Variants in MPDZ observed in about 807,000 individuals in gnomAD.
The protein encoded by MPDZ is multiple PDZ domain protein.
In MPDZ, 234 loss-of-function variants were observed where a neutral mutation model predicts 239.1. The observed-to-expected ratio is 0.98, with a 90% CI of 0.88 to 1.09. The LOEUF (loss-of-function observed/expected upper bound fraction) is 1.09. Among genes scored for constraint, MPDZ ranks in the 50% least tolerant of loss-of-function variants. MPDZ has a pLI of 0.00. For synonymous variants in MPDZ, 1,048 were observed against 881.3 expected (o/e 1.19, Z -3.35); for missense variants, 3,175 against 2,510.0 (o/e 1.26, Z -5.66).
rs1402399099 is a variant in MPDZ, at chr9:13,198,731, C to CTGTGTGTG, written c.1547-2502_1547-2501insCACACACA. The stretch of plus-strand genomic sequence containing the variant: ...GTTCTTATATTTAGGTCTTTAATCT[C>CTGTGTGTG]TCTCTCTGTGTGTGTGTGTGTGTGT... On this transcript the variant is annotated intron_variant, in intron 12 of 46. Transcript: ENST00000319217. Among the ~76,000 whole-genome samples, 6 of 4,438 alleles carry CTGTGTGTG rather than the reference C, an allele frequency of 1.4e-3. No individual in the cohort carries two copies. In the South Asian group the frequency reaches 0.04, roughly 29 times the overall value. The allele number at this position is 4,438 out of a possible 152,430, so 2.9% of individuals were successfully genotyped here.
chr9:13,125,180 A>G (rs769596840), intron 35 of MPDZ, 36 bp downstream of exon 35: 40 of 1,493,324 alleles, frequency 2.7e-5, no homozygotes, highest in Non-Finnish European at 3.4e-5. Context: ...CAGGTGTTCC[A>G]TATGTGCAGG....
intron 26 of MPDZ, among the ~76,000 whole-genome samples, chr9:13,144,616 T>C (rs1454164207): frequency 6.6e-6 from 1 of 152,086 alleles, no homozygotes; most frequent in Non-Finnish European, 1.5e-5. Context: ...GGTTGTCATG[T>C]GACACCACGC....
In MPDZ at chr9:13,190,113, C is replaced by T; in HGVS notation, c.2154+1G>A. 1.2e-6 allele frequency: 2 copies of T among 1,610,478 alleles called. No homozygotes were observed. Among genetic ancestry groups the T allele is most frequent in the African/African-American group, 1.3e-5 (1 of 74,964 alleles). On this transcript the variant is annotated splice_donor_variant, in intron 16 of 46. Transcript: ENST00000319217. LOFTEE classifies it high-confidence loss of function. ...AATTGTTAAAAGTAGTATATACTTA[C>T]CTGATAATCTAAAATGCTAAAACCA...
chr9:13,107,248 A>C (rs1445617835), intron 46 of MPDZ, 137 bp from the exon 47 acceptor site: 4 of 862,802 alleles, frequency 4.6e-6, no homozygotes, highest in East Asian at 5.0e-5. Context: ...TGGGTGCTCT[A>C]AGCCATTAAG....
intron 10 of MPDZ, 41 bp from the exon 11 acceptor site, chr9:13,206,140 A>G: frequency 6.5e-7 from 1 of 1,528,642 alleles, no homozygotes; most frequent in South Asian, 1.2e-5. Flanking sequence ...CATGTTAAAT[A>G]AATGGATATT....
chr9:13,178,931 T>C (rs1260189532), intron 19 of MPDZ, among the ~76,000 whole-genome samples: 1 of 152,222 alleles, frequency 6.6e-6, no homozygotes, highest in African/African-American at 2.4e-5. Flanking sequence ...GTATTTTTCC[T>C]CTTTTATAAA....
chr9:13,175,652 C>G (rs1305548985), intron 21 of MPDZ, 100 bp downstream of exon 21: 15 of 1,228,894 alleles, frequency 1.2e-5, no homozygotes, highest in South Asian at 2.9e-5. Flanking sequence ...ACCATCTGTT[C>G]TCTTATCTAC....
At chr9:13,112,468 C>A (rs1942659532) in intron 42 of MPDZ, among the ~76,000 whole-genome samples, 1 of 152,174 alleles carries the variant, frequency 6.6e-6, no homozygotes, top group Non-Finnish European at 1.5e-5. Context: ...GCCACGAAGT[C>A]ATACTTGCAA....
intron 24 of MPDZ, among the ~76,000 whole-genome samples, chr9:13,154,767 TG>T (rs1331627596): frequency 2.6e-5 from 4 of 152,176 alleles, no homozygotes; most frequent in African/African-American, 9.6e-5. Flanking sequence ...TCACCCTATC[TG>T]ATCAATCCTG....
At chr9:13,111,890 G>A (rs1216511862) in intron 43 of MPDZ, 134 bp downstream of exon 43, 3 of 756,230 alleles carry the variant, frequency 4.0e-6, no homozygotes, top group Admixed American at 3.6e-5. Context: ...AAGCCTTGCT[G>A]TGGTTGGATT....
At chr9:13,240,776 A>G (rs1240634915) in intron 3 of MPDZ, among the ~76,000 whole-genome samples, 1 of 152,036 alleles carries the variant, frequency 6.6e-6, no homozygotes, top group Non-Finnish European at 1.5e-5. Flanking sequence ...GGCAAAGTCT[A>G]TAGCACATAA....
chr9:13,122,059 T>A, intron 37 of MPDZ, 28 bp downstream of exon 37: 1 of 1,612,126 alleles, frequency 6.2e-7, no homozygotes, highest in Non-Finnish European at 8.5e-7. Flanking sequence ...TCTGTTAATT[T>A]TGAAGGTCAA....
intron 10 of MPDZ, among the ~76,000 whole-genome samples, chr9:13,215,004 T>C (rs1438800843): frequency 6.6e-6 from 1 of 152,016 alleles, no homozygotes; most frequent in Non-Finnish European, 1.5e-5. Context: ...TTTACCATCT[T>C]ACCCATTTTG....
At chr9:13,203,734 A>G (rs796519628) in intron 12 of MPDZ, among the ~76,000 whole-genome samples, 1 of 10,538 alleles carries the variant, frequency 9.5e-5, no homozygotes, top group Middle Eastern at 0.5. Flanking sequence ...CCTGCCACAC[A>G]CACACACACA....
In MPDZ at chr9:13,254,378, T is replaced by TTCAA. The variant is rs1968886820; in HGVS notation, c.-57-4007_-57-4006insTTGA. ...AAAACCCTTAAGAAGCCTCTTTAAA[T>TTCAA]AGTTATTCAAAGTACATTCAAAAAC... On this transcript the variant is annotated intron_variant, in intron 1 of 46. Coordinates refer to ENST00000319217, the MANE Select transcript of MPDZ (RefSeq NM_001378778.1). Among the ~76,000 whole-genome samples the TTCAA allele has an allele frequency of 3.9e-5, 6 of 152,204 alleles. No individual in the cohort carries two copies. The South Asian group carries it at 1.0e-3, about 26-fold the overall frequency.
chr9:13,267,938 T>A (rs559750944), intron 1 of MPDZ, among the ~76,000 whole-genome samples: 1 of 152,284 alleles, frequency 6.6e-6, no homozygotes. Flanking sequence ...TCCCTTTTCC[T>A]TCACGCACAA....
chr9:13,172,398 T>TTC (rs1426221997), intron 21 of MPDZ, among the ~76,000 whole-genome samples: 1 of 151,596 alleles, frequency 6.6e-6, no homozygotes, highest in Non-Finnish European at 1.5e-5. Flanking sequence ...TTTTTTTTTT[T>TTC]TGAGACGAAG....
intron 36 of MPDZ, 142 bp downstream of exon 36, chr9:13,123,011 G>T: frequency 1.2e-6 from 1 of 845,832 alleles, no homozygotes; most frequent in Non-Finnish European, 1.7e-6. Flanking sequence ...TTGAATATTT[G>T]CCCTATAAAT....
chr9:13,143,874 A>G (rs893115474), intron 26 of MPDZ, among the ~76,000 whole-genome samples: 1 of 152,134 alleles, frequency 6.6e-6, no homozygotes, highest in Admixed American at 6.6e-5. Flanking sequence ...TATTTTGCCC[A>G]TCTTATATAT....
Sources: allele counts gnomAD v4.1 joint callset (sites outside exome capture counted in the v4.1 genomes callset), GRCh38; gene constraint gnomAD v4.1.1; transcripts MANE v1.5; gene names NCBI Gene and HGNC (gene_info 2026-07-23, HGNC 2026-07-21).